SMPX: variants seen among roughly 807,000 people sequenced by gnomAD.
SMPX encodes small muscular protein.
SMPX carries 2 observed loss-of-function variants against 6.3 expected under a neutral mutation model. The ratio of observed to expected loss-of-function variants is 0.32; its 90% CI spans 0.13 to 0.99. The LOEUF (loss-of-function observed/expected upper bound fraction) is 0.99, where lower values mean the gene tolerates loss of function less well. Among genes scored for constraint, SMPX ranks in the 50% least tolerant of loss-of-function variants. The pLI, the probability that SMPX is intolerant of heterozygous loss-of-function variation, is 0.49. For missense variants in SMPX, 60 were observed against 66.8 expected, an observed-to-expected ratio of 0.90 and a Z score of 0.36; for synonymous variants, 32 against 24.7, an observed-to-expected ratio of 1.30 and a Z score of -0.88.
intron 2 of SMPX, among the ~76,000 whole-genome samples, chrX:21,745,152 C>A (rs1004538321): frequency 8.9e-6 from 1 of 112,101 alleles, no homozygotes; most frequent in African/African-American, 3.2e-5. Flanking sequence ...AGAGGTACAT[C>A]ATTGTGGAGC....
At chrX:21,729,343 C>T (rs150368436) in intron 4 of SMPX, among the ~76,000 whole-genome samples, 1 of 112,616 alleles carries the variant, frequency 8.9e-6, no homozygotes, top group East Asian at 2.8e-4. Flanking sequence ...TCACTCTCAG[C>T]AGTATTGACA....
intron 4 of SMPX, among the ~76,000 whole-genome samples, chrX:21,722,566 G>A (rs1208364366): frequency 8.9e-6 from 1 of 112,218 alleles, no homozygotes; most frequent in Non-Finnish European, 1.9e-5. Context: ...CTGTAACAGT[G>A]TCAGCACTTA....
intron 3 of SMPX, 95 bp from the exon 4 acceptor site, chrX:21,737,792 A>G (rs1046318036): frequency 4.0e-5 from 34 of 847,248 alleles, no homozygotes; most frequent in Non-Finnish European, 5.2e-5. Context: ...TAAAGTAACA[A>G]TGATGTCAAA....
intron 4 of SMPX, among the ~76,000 whole-genome samples, chrX:21,716,611 C>T (rs1221595816): frequency 8.9e-6 from 1 of 112,461 alleles, no homozygotes; most frequent in Non-Finnish European, 1.9e-5. Flanking sequence ...CAAAGATCCA[C>T]AAAAAGCTTA....
At chrX:21,721,132 A>G (rs1362207704) in intron 4 of SMPX, among the ~76,000 whole-genome samples, 1 of 112,092 alleles carries the variant, frequency 8.9e-6, no homozygotes, top group Non-Finnish European at 1.9e-5. Flanking sequence ...TTGCTGCATT[A>G]GGCTGGGTCT....
At chrX:21,715,262 CTGTGTGTG>C (rs34947234) in intron 4 of SMPX, among the ~76,000 whole-genome samples, 1,625 of 94,528 alleles carry the variant, frequency 0.017, 18 homozygotes, top group East Asian at 0.035. Flanking sequence ...TCACTCTGCT[CTGTGTGTG>C]TGTGTGTGTG....
intron 3 of SMPX, among the ~76,000 whole-genome samples, chrX:21,743,324 G>C (rs2092817932): frequency 9.0e-6 from 1 of 111,314 alleles, no homozygotes; most frequent in Admixed American, 9.6e-5. Flanking sequence ...TGCTGAGTTG[G>C]ATAAAAGATC....
At chrX:21,749,800 G>T (rs373550247) in intron 2 of SMPX, among the ~76,000 whole-genome samples, 5 of 112,067 alleles carry the variant, frequency 4.5e-5, no homozygotes, top group Admixed American at 3.8e-4. Context: ...GAAGTTCACA[G>T]ACTTACAAGC....
At chrX:21,717,767 C>G (rs1010711907) in intron 4 of SMPX, among the ~76,000 whole-genome samples, 1 of 112,218 alleles carries the variant, frequency 8.9e-6, no homozygotes, top group Non-Finnish European at 1.9e-5. Flanking sequence ...ATGCTTTGCC[C>G]AGTTTAAGAG....
rs766845637 is a variant in SMPX at position 21,735,982 on chromosome X, A to T, written c.*14+1567T>A. ...TGTCAGGTTAGTTCCTGCTCACATC[A>T]ATTTGTCCCCATCCAGGTTCCTGGG... On this transcript the variant is annotated intron_variant, in intron 4 of 4. Coordinates refer to ENST00000379494, the MANE Select transcript of SMPX (RefSeq NM_014332.3). 3.6e-5 allele frequency among the ~76,000 whole-genome samples: 4 copies of T among 111,493 alleles called. No homozygotes were observed. In the South Asian group the frequency reaches 1.5e-3, roughly 42 times the overall value.
chrX:21,720,593 A>G (rs1370505426), intron 4 of SMPX, among the ~76,000 whole-genome samples: 5 of 112,896 alleles, frequency 4.4e-5, no homozygotes, highest in African/African-American at 1.6e-4. Flanking sequence ...TGTATCAAGG[A>G]ATAGGCGAAT....
intron 4 of SMPX, among the ~76,000 whole-genome samples, chrX:21,708,509 A>G (rs1272442962): frequency 8.9e-6 from 1 of 112,463 alleles, no homozygotes; most frequent in Non-Finnish European, 1.9e-5. Context: ...AATACATAGA[A>G]GTTCAAAAAT....
At chrX:21,725,507 G>A (rs761703833) in intron 4 of SMPX, among the ~76,000 whole-genome samples, 2 of 112,381 alleles carry the variant, frequency 1.8e-5, no homozygotes, top group African/African-American at 6.5e-5. Context: ...AATTACAAAC[G>A]AGATGCATTT....
rs759449906 is a variant in SMPX at position 21,758,056 on chromosome X, A to G, written c.-127T>C. ...CGGTGTCCTCTGAGCTGCGATCTCA[A>G]TTCCGATGCTTTTCATGTGGCTGAA... On this transcript the variant is annotated 5_prime_UTR_variant, in exon 1 of 5. Coordinates refer to ENST00000379494, the MANE Select transcript of SMPX (RefSeq NM_014332.3). The G allele has an allele frequency of 3.0e-6, 1 of 329,703 alleles. No individual in the cohort carries two copies. The highest frequency in any genetic ancestry group is 2.6e-5 in the South Asian group (1 of 38,500). 27.2% of individuals were successfully genotyped at this position (329,703 alleles called of 1,213,427 possible).
chrX:21,715,131 A>C (rs975012128), intron 4 of SMPX, among the ~76,000 whole-genome samples: 1 of 111,810 alleles, frequency 8.9e-6, no homozygotes, highest in Non-Finnish European at 1.9e-5. Context: ...AGCTATCATC[A>C]AATGATTTAA....
rs760357678 is a variant in SMPX, at chrX:21,737,555, T to C, written c.*8A>G. Reference sequence around the variant, plus strand: ...AAGATAGTTTTTCACTCACCTTTTTTCTTCCTACTACTGTTCAGCTTTGGG... The same window carrying C: ...AAGATAGTTTTTCACTCACCTTTTTCCTTCCTACTACTGTTCAGCTTTGGG... On this transcript the variant is annotated 3_prime_UTR_variant, in exon 4 of 5. Coordinates refer to ENST00000379494, the MANE Select transcript of SMPX (RefSeq NM_014332.3). 1.7e-6 allele frequency: 2 copies of C among 1,207,398 alleles called. No individual in the cohort carries two copies. The highest frequency in any genetic ancestry group is 2.2e-6 in the Non-Finnish European group (2 of 891,778).
intron 4 of SMPX, among the ~76,000 whole-genome samples, chrX:21,715,299 T>TGC (rs1185581660): frequency 1.1e-4 from 10 of 89,572 alleles, no homozygotes; most frequent in African/African-American, 6.3e-4. Flanking sequence ...TGTGTGTGTG[T>TGC]GTGTGCGCGC....
intron 4 of SMPX, among the ~76,000 whole-genome samples, chrX:21,709,435 G>A (rs1185084550): frequency 1.8e-5 from 2 of 112,307 alleles, no homozygotes; most frequent in Admixed American, 9.4e-5. Flanking sequence ...CCTGCCACTA[G>A]GCTAGGATCT....
intron 4 of SMPX, among the ~76,000 whole-genome samples, chrX:21,733,104 C>A (rs755701250): frequency 1.6e-4 from 18 of 111,804 alleles, no homozygotes; most frequent in Non-Finnish European, 3.4e-4. Flanking sequence ...GCACACCTCC[C>A]CCAACAGGGC....
Sources: allele counts gnomAD v4.1 joint callset (sites outside exome capture counted in the v4.1 genomes callset), GRCh38; gene constraint gnomAD v4.1.1; transcripts MANE v1.5; gene names NCBI Gene and HGNC (gene_info 2026-07-23, HGNC 2026-07-21).